The following SLC44A5 variants were observed in gnomAD, a reference collection of about 807,000 sequenced individuals.
SLC44A5 encodes the protein solute carrier family 44 member 5.
SLC44A5 carries 57 observed loss-of-function variants against 101.8 expected under a neutral mutation model. The observed-to-expected ratio is 0.56, with a 90% CI of 0.45 to 0.70. The LOEUF is 0.70. Among genes scored for constraint, SLC44A5 ranks in the 30% least tolerant of loss-of-function variants. The probability of loss-of-function intolerance (pLI) is 0.00; values close to 1 mark genes in which losing one functional copy is unlikely to be tolerated. For missense variants in SLC44A5, 737 were observed against 853.1 expected, an observed-to-expected ratio of 0.86 and a Z score of 1.70; for synonymous variants, 281 against 290.9, an observed-to-expected ratio of 0.97 and a Z score of 0.35.
At chr1:75,549,140 C>T (rs762186938) in intron 1 of SLC44A5, among the ~76,000 whole-genome samples, 2 of 148,834 alleles carry the variant, frequency 1.3e-5, no homozygotes, top group Non-Finnish European at 3.0e-5. Context: ...ATTTTATTTC[C>T]AGAGGTTTTG....
chr1:75,673,343 G>A, the SLC44A5 span, among the ~76,000 whole-genome samples: 2,272 of 152,080 alleles, frequency 0.015, 28 homozygotes, highest in Middle Eastern at 0.031. Flanking sequence ...TGAGGAAGGG[G>A]GAGGAAAGAC....
At chr1:75,388,807 A>G (rs1014086810) in intron 3 of SLC44A5, among the ~76,000 whole-genome samples, 2 of 151,874 alleles carry the variant, frequency 1.3e-5, no homozygotes, top group Non-Finnish European at 2.9e-5. Context: ...AAAAACTCAC[A>G]TATCAATATT....
At position 75,242,883 on chromosome 1, in the gene SLC44A5, T is replaced by G. The variant is rs181173029; in HGVS notation, c.471+3A>C. 2,207 of 1,587,132 alleles carry G rather than the reference T, an allele frequency of 1.4e-3. 13 individuals carry two copies. The highest frequency in any genetic ancestry group is 1.4e-3 in the Non-Finnish European group (1,685 of 1,169,366). On this transcript the variant is annotated splice_donor_region_variant and intron_variant, in intron 8 of 23. Coordinates refer to ENST00000370859, the MANE Select transcript of SLC44A5 (RefSeq NM_001130058.2). ...CTCTTGCTTTAAGCTTAAACACACA[T>G]ACCTTCACAGGCTTAGCAGTGGTCT...
At chr1:75,598,621 G>T (rs1185570100) in intron 1 of SLC44A5, among the ~76,000 whole-genome samples, 1 of 146,884 alleles carries the variant, frequency 6.8e-6, no homozygotes, top group African/African-American at 2.4e-5. Context: ...CATGTCCTTT[G>T]CAGGGACATG....
At chr1:75,536,506 T>G (rs866806623) in intron 2 of SLC44A5, among the ~76,000 whole-genome samples, 3 of 141,782 alleles carry the variant, frequency 2.1e-5, no homozygotes, top group Non-Finnish European at 4.5e-5. Flanking sequence ...GAGGCTGAGG[T>G]AGGAGAATGG....
At chr1:75,554,797 T>C (rs1249980856) in intron 1 of SLC44A5, among the ~76,000 whole-genome samples, 3 of 152,026 alleles carry the variant, frequency 2.0e-5, no homozygotes, top group African/African-American at 7.2e-5. Flanking sequence ...CTAATAAATA[T>C]TATTATGGAA....
intron 2 of SLC44A5, among the ~76,000 whole-genome samples, chr1:75,450,204 C>T (rs1283039493): frequency 6.6e-6 from 1 of 152,018 alleles, no homozygotes; most frequent in Admixed American, 6.6e-5. Flanking sequence ...AGAGAGCCTC[C>T]CTCTGTGACT....
chr1:75,388,766 G>A (rs978413904), intron 3 of SLC44A5, among the ~76,000 whole-genome samples: 48 of 150,578 alleles, frequency 3.2e-4, no homozygotes, highest in Non-Finnish European at 6.2e-4. Flanking sequence ...GCAACAGAGC[G>A]AGACTCCGTC....
chr1:75,631,175 G>GT, the SLC44A5 span, among the ~76,000 whole-genome samples: 1 of 152,210 alleles, frequency 6.6e-6, no homozygotes, highest in Non-Finnish European at 1.5e-5. Context: ...CTAGAGAGGA[G>GT]TGAATCACTG....
chr1:75,276,867 C>A (rs1293324445), intron 5 of SLC44A5, among the ~76,000 whole-genome samples: 1 of 152,114 alleles, frequency 6.6e-6, no homozygotes, highest in African/African-American at 2.4e-5. Flanking sequence ...GGGGCTCCAT[C>A]CCTCTGGGGA....
At chr1:75,360,521 AT>A (rs1659410956) in intron 3 of SLC44A5, among the ~76,000 whole-genome samples, 1 of 152,066 alleles carries the variant, frequency 6.6e-6, no homozygotes, top group African/African-American at 2.4e-5. Flanking sequence ...ATTCTTCTAC[AT>A]TTGGATATCC....
intron 2 of SLC44A5, among the ~76,000 whole-genome samples, chr1:75,397,652 A>G (rs1662210374): frequency 6.6e-6 from 1 of 152,138 alleles, no homozygotes; most frequent in South Asian, 2.1e-4. Context: ...AGTAGTTACA[A>G]TAATCGGTTC....
chr1:75,651,607 G>A, the SLC44A5 span, among the ~76,000 whole-genome samples: 3 of 147,064 alleles, frequency 2.0e-5, no homozygotes, highest in East Asian at 6.1e-4. Context: ...TGAGGCAGGA[G>A]AATGGCGTGA....
intron 2 of SLC44A5, among the ~76,000 whole-genome samples, chr1:75,438,084 C>T (rs1228539482): frequency 6.6e-6 from 1 of 152,084 alleles, no homozygotes; most frequent in Non-Finnish European, 1.5e-5. Context: ...AAAGAAACAT[C>T]TCAGAAAATC....
chr1:75,383,255 C>G (rs1217943343), intron 3 of SLC44A5, among the ~76,000 whole-genome samples: 2 of 125,084 alleles, frequency 1.6e-5, no homozygotes, highest in Non-Finnish European at 3.3e-5. Flanking sequence ...GACACATCCC[C>G]CTCTTCGAGA....
At chr1:75,662,164 C>A in the SLC44A5 span, among the ~76,000 whole-genome samples, 1 of 151,962 alleles carries the variant, frequency 6.6e-6, no homozygotes, top group Non-Finnish European at 1.5e-5. Flanking sequence ...CAATTTTATT[C>A]AGTCATAAAA....
chr1:75,367,759 C>A (rs1659957987), intron 3 of SLC44A5, among the ~76,000 whole-genome samples: 1 of 152,220 alleles, frequency 6.6e-6, no homozygotes, highest in African/African-American at 2.4e-5. Flanking sequence ...AGTGAGCCTG[C>A]CACCTGGGCA....
At chr1:75,376,843 C>A (rs374170579) in intron 3 of SLC44A5, among the ~76,000 whole-genome samples, 9 of 152,346 alleles carry the variant, frequency 5.9e-5, no homozygotes, top group East Asian at 5.8e-4. Flanking sequence ...CTTTGACAAG[C>A]TGAGAGCAGA....
chr1:75,347,798 A>G (rs2347213), intron 3 of SLC44A5, among the ~76,000 whole-genome samples: 46,815 of 151,746 alleles, frequency 0.31, 8,766 homozygotes, highest in East Asian at 0.82. Context: ...AGTCAAAGAT[A>G]CAATAGCCTG....
Sources: allele counts gnomAD v4.1 joint callset (sites outside exome capture counted in the v4.1 genomes callset), GRCh38; gene constraint gnomAD v4.1.1; transcripts MANE v1.5; gene names NCBI Gene and HGNC (gene_info 2026-07-23, HGNC 2026-07-21).